Variants in TBX18 observed in about 807,000 individuals in gnomAD.
TBX18 encodes the protein T-box transcription factor TBX18.
In TBX18, 21 loss-of-function variants were observed where a neutral mutation model predicts 55.0. That is an observed-to-expected ratio of 0.38 (90% confidence interval 0.27 to 0.55). The LOEUF is 0.55. TBX18 is among the 20% of genes least tolerant of loss of function. The probability of loss-of-function intolerance (pLI) is 0.73; values close to 1 mark genes in which losing one functional copy is unlikely to be tolerated. For missense variants in TBX18, 840 were observed against 799.6 expected (o/e 1.05, Z -0.61); for synonymous variants, 342 against 326.1 (o/e 1.05, Z -0.53).
Position 84,748,093 on chromosome 6 carries a change from T to C in TBX18, c.772-6A>G, listed in dbSNP as rs1767247313. On this transcript the variant is annotated splice_polypyrimidine_tract_variant and splice_region_variant and intron_variant, in intron 4 of 7. Coordinates refer to ENST00000369663, the MANE Select transcript of TBX18 (RefSeq NM_001080508.3). ...TGCATAGAATGAAGAATAATCTATA[T>C]CAAAGAAGGAAAAGCTGAATTTATC... is the stretch of plus-strand genomic sequence containing the variant. 6.3e-7 allele frequency: 1 copy of C among 1,588,702 alleles called. No individual in the cohort carries two copies. Among genetic ancestry groups the C allele is most frequent in the African/African-American group, 1.3e-5 (1 of 74,412 alleles).
chr6:84,737,019 T>C lies in TBX18; in HGVS notation c.1490A>G (p.Gln497Arg). Residue 497 changes from glutamine to arginine, a missense_variant, in exon 8 of 8, where the codon CAG becomes CGG. Transcript: ENST00000369663. ...MQISGMSPQL[Q>R]YIMPSPSSNA... ...GCTGGAGGGTGATGGCATGATATAC[T>C]GGAGCTGGGGGGACATTCCCGAAAT... The C allele has an allele frequency of 6.2e-7, 1 of 1,613,936 alleles. No homozygotes were observed. Among genetic ancestry groups the C allele is most frequent in the East Asian group, 2.2e-5 (1 of 44,882 alleles).
At chr6:84,737,455 T>C in intron 7 of TBX18, 46 bp from the exon 8 acceptor site, 1 of 1,485,134 alleles carries the variant, frequency 6.7e-7, no homozygotes, top group South Asian at 1.4e-5. Context: ...CAGTCATCCT[T>C]TCCTTTCAAT....
At chr6:84,750,766 A>G (rs1448362072) in intron 4 of TBX18, among the ~76,000 whole-genome samples, 1 of 151,710 alleles carries the variant, frequency 6.6e-6, no homozygotes, top group Admixed American at 6.6e-5. Flanking sequence ...AGCCTACAGA[A>G]GCAGTTAATT....
chr6:84,762,477 T>G (rs1767676251), intron 2 of TBX18, 67 bp downstream of exon 2: 121 of 1,570,844 alleles, frequency 7.7e-5, no homozygotes, highest in Non-Finnish European at 9.4e-5. Context: ...TCTTCCTGAT[T>G]GAGCTAGAGG....
intron 5 of TBX18, among the ~76,000 whole-genome samples, chr6:84,746,924 C>G (rs1289742377): frequency 2.6e-5 from 4 of 151,270 alleles, no homozygotes; most frequent in Non-Finnish European, 4.4e-5. Flanking sequence ...ATGTTCCTTC[C>G]TAAAAGCTTA....
chr6:84,732,872 A>G lies in TBX18; in HGVS notation c.*3813T>C, dbSNP rs948768136. Reference sequence around the variant, plus strand: ...AACAGAATATATTCCAAAAGATATAATAGTTTTATAAAACTAGTTTCCCAA... The same window carrying G: ...AACAGAATATATTCCAAAAGATATAGTAGTTTTATAAAACTAGTTTCCCAA... On this transcript the variant is annotated 3_prime_UTR_variant, in exon 8 of 8. Transcript: ENST00000369663. The G allele has an allele frequency of 2.0e-5, 3 of 152,048 alleles. No individual in the cohort carries two copies. Among genetic ancestry groups the G allele is most frequent in the Non-Finnish European group, 4.4e-5 (3 of 67,970 alleles). The allele number at this position is 152,048 out of a possible 1,614,324, so 9.4% of individuals were successfully genotyped here. A position where few individuals can be genotyped will look rare whatever the true frequency, so the allele number is the denominator to read the frequency against.
chr6:84,764,300 C>T lies in TBX18; in HGVS notation c.-119G>A. 4.7e-6 allele frequency: 6 copies of T among 1,279,806 alleles called. No homozygotes were observed. The highest frequency in any genetic ancestry group is 2.8e-4 in the Middle Eastern group (1 of 3,524). 79.3% of individuals were successfully genotyped at this position (1,279,806 alleles called of 1,614,324 possible). On this transcript the variant is annotated 5_prime_UTR_variant, in exon 1 of 8. Coordinates refer to ENST00000369663, the MANE Select transcript of TBX18 (RefSeq NM_001080508.3). ...TCTCGGGGCCTCCCGAGATCTGCCCCCTTCCCCACCGCGGGCAAAAAACAG... is the reference window on the plus strand; with the variant it reads ...TCTCGGGGCCTCCCGAGATCTGCCCTCTTCCCCACCGCGGGCAAAAAACAG...
intron 4 of TBX18, among the ~76,000 whole-genome samples, chr6:84,748,991 A>T (rs1767270469): frequency 6.6e-6 from 1 of 152,232 alleles, no homozygotes; most frequent in Admixed American, 6.5e-5. Context: ...AATGACCTAA[A>T]TTGTTTATAA....
rs1249289963 is a variant in TBX18 at position 84,734,654 on chromosome 6, A to C, written c.*2031T>G. 6.6e-6 allele frequency: 1 copy of C among 152,628 alleles called. No individual in the cohort carries two copies. The highest frequency in any genetic ancestry group is 1.5e-5 in the Non-Finnish European group (1 of 68,024). 9.5% of individuals were successfully genotyped at this position (152,628 alleles called of 1,614,324 possible). A position where few individuals can be genotyped will look rare whatever the true frequency, so the allele number is the denominator to read the frequency against. On this transcript the variant is annotated 3_prime_UTR_variant, in exon 8 of 8. Coordinates refer to ENST00000369663, the MANE Select transcript of TBX18 (RefSeq NM_001080508.3). ...AAAAGATTAATAAAAAATTATACTC[A>C]TATTGTGGTATCATCTGAAATGATC... is the stretch of plus-strand genomic sequence containing the variant.
intron 4 of TBX18, 84 bp from the exon 5 acceptor site, chr6:84,748,171 C>T (rs1265306917): frequency 2.9e-6 from 3 of 1,022,208 alleles, no homozygotes; most frequent in Non-Finnish European, 4.1e-6. Context: ...TGTGTACAAT[C>T]AATTCTGATT....
chr6:84,752,108 G>A (rs1258309809), intron 4 of TBX18, among the ~76,000 whole-genome samples: 32 of 151,946 alleles, frequency 2.1e-4, no homozygotes, highest in Admixed American at 2.1e-3. Context: ...TACAGTCACA[G>A]AAGTCCATAA....
Position 84,764,414 on chromosome 6 carries a change from GCT to G in TBX18, c.-235_-234del, listed in dbSNP as rs911390041. ...CTCCTTTCCTGGGTCTCTCTCGCGC[GCT>G]CTCTCACTGATGCACTCCTTTGCTC... is the stretch of plus-strand genomic sequence containing the variant. On this transcript the variant is annotated 5_prime_UTR_variant, in exon 1 of 8. Coordinates refer to ENST00000369663, the MANE Select transcript of TBX18 (RefSeq NM_001080508.3). 5.5e-6 allele frequency: 3 copies of G among 546,784 alleles called. No individual in the cohort carries two copies. In the African/African-American group the frequency reaches 6.0e-5, roughly 11 times the overall value. 33.9% of individuals were successfully genotyped at this position (546,784 alleles called of 1,614,324 possible). A position where few individuals can be genotyped will look rare whatever the true frequency, so the allele number is the denominator to read the frequency against.
At chr6:84,744,789 T>C (rs1432981512) in intron 5 of TBX18, among the ~76,000 whole-genome samples, 1 of 152,184 alleles carries the variant, frequency 6.6e-6, no homozygotes, top group African/African-American at 2.4e-5. Context: ...TACAGAGCTT[T>C]CTCTTCTTTA....
rs1767760434 is a variant in TBX18, at chr6:84,764,417, C to T, written c.-236G>A. On this transcript the variant is annotated 5_prime_UTR_variant, in exon 1 of 8. Coordinates refer to ENST00000369663, the MANE Select transcript of TBX18 (RefSeq NM_001080508.3). ...CTTTCCTGGGTCTCTCTCGCGCGCT[C>T]TCTCACTGATGCACTCCTTTGCTCC... The T allele has an allele frequency of 5.5e-6, 3 of 541,350 alleles. No homozygotes were observed. Among genetic ancestry groups the T allele is most frequent in the Admixed American group, 8.0e-5 (2 of 24,942 alleles). The allele number at this position is 541,350 out of a possible 1,614,324, so 33.5% of individuals were successfully genotyped here. A position where few individuals can be genotyped will look rare whatever the true frequency, so the allele number is the denominator to read the frequency against.
rs752349540 is a variant in TBX18 at position 84,764,061 on chromosome 6, G to A, written c.121C>T (p.Leu41=). ...GCCCCCGCCGCCTCTTCGGCGCCCAGTTTTCGCCGCTTCTTCTGAAGCTGT... is the reference window on the plus strand; with the variant it reads ...GCCCCCGCCGCCTCTTCGGCGCCCAATTTTCGCCGCTTCTTCTGAAGCTGT... ...QQQLQKKRRK[L]GAEEAAGAVD... The change falls in exon 1 of 8, where the codon CTG becomes TTG. Residue 41 remains leucine, a synonymous_variant. Coordinates refer to ENST00000369663, the MANE Select transcript of TBX18 (RefSeq NM_001080508.3). The A allele has an allele frequency of 2.6e-4, 414 of 1,571,344 alleles. No individual in the cohort carries two copies. The highest frequency in any genetic ancestry group is 3.2e-4 in the Non-Finnish European group (375 of 1,162,230).
Position 84,733,637 on chromosome 6 carries a change from C to T in TBX18, c.*3048G>A. The stretch of plus-strand genomic sequence containing the variant: ...TAGTTAGGGATCTCTCTTCTTGCAC[C>T]TTCTCCTTCCCATACAAATCTTCCC... On this transcript the variant is annotated 3_prime_UTR_variant, in exon 8 of 8. Transcript: ENST00000369663. 1 of 152,140 alleles carries T rather than the reference C, an allele frequency of 6.6e-6. No homozygotes were observed. The highest frequency in any genetic ancestry group is 1.9e-4 in the East Asian group (1 of 5,188). The allele number at this position is 152,140 out of a possible 1,614,324, so 9.4% of individuals were successfully genotyped here. A position where few individuals can be genotyped will look rare whatever the true frequency, so the allele number is the denominator to read the frequency against.
chr6:84,746,060 G>T (rs1425268747), intron 5 of TBX18, among the ~76,000 whole-genome samples: 1 of 152,082 alleles, frequency 6.6e-6, no homozygotes, highest in Non-Finnish European at 1.5e-5. Flanking sequence ...GTGACTGCAT[G>T]TTATCATTAT....
chr6:84,755,955 G>C (rs541309676), intron 4 of TBX18, among the ~76,000 whole-genome samples: 1 of 151,970 alleles, frequency 6.6e-6, no homozygotes, highest in South Asian at 2.1e-4. Flanking sequence ...TATATTCTTC[G>C]AAAGGCATTT....
intron 2 of TBX18, among the ~76,000 whole-genome samples, chr6:84,761,777 T>C (rs1020166219): frequency 3.3e-5 from 5 of 152,202 alleles, no homozygotes; most frequent in African/African-American, 1.2e-4. Context: ...TACTAACCAA[T>C]GGATGGGAAA....
Sources: allele counts gnomAD v4.1 joint callset (sites outside exome capture counted in the v4.1 genomes callset), GRCh38; gene constraint gnomAD v4.1.1; transcripts MANE v1.5; gene names NCBI Gene and HGNC (gene_info 2026-07-23, HGNC 2026-07-21).